The following GALNTL6 variants were observed in gnomAD, a reference collection of about 807,000 sequenced individuals.
GALNTL6 encodes polypeptide N-acetylgalactosaminyltransferase-like 6.
Under a neutral mutation model 73.7 loss-of-function variants are expected in GALNTL6, and 46 were observed. The observed-to-expected ratio is 0.62, with a 90% CI of 0.49 to 0.80. The LOEUF is 0.80. GALNTL6 is among the 30% of genes least tolerant of loss of function. GALNTL6 has a pLI of 0.00. For missense variants in GALNTL6, 604 were observed against 755.0 expected (o/e 0.80, Z 2.34); for synonymous variants, 259 against 263.7 (o/e 0.98, Z 0.17).
chr4:172,216,240 C>A (rs1736494271), intron 2 of GALNTL6, among the ~76,000 whole-genome samples: 2 of 151,826 alleles, frequency 1.3e-5, no homozygotes, highest in Admixed American at 6.6e-5. Flanking sequence ...GAGATAAATT[C>A]TCTTAGTTTT....
intron 2 of GALNTL6, among the ~76,000 whole-genome samples, chr4:171,994,701 G>A (rs961279915): frequency 1.3e-5 from 2 of 150,800 alleles, no homozygotes; most frequent in Non-Finnish European, 3.0e-5. Flanking sequence ...TTGTTGCTGT[G>A]TTATTGCTAT....
intron 5 of GALNTL6, among the ~76,000 whole-genome samples, chr4:172,805,028 GT>G (rs1189958277): frequency 2.6e-5 from 4 of 152,302 alleles, no homozygotes; most frequent in Middle Eastern, 3.4e-3. Context: ...AATCTACTCA[GT>G]AAGTAAAATA....
chr4:172,595,764 G>C (rs1354299505), intron 5 of GALNTL6, among the ~76,000 whole-genome samples: 3 of 151,982 alleles, frequency 2.0e-5, no homozygotes, highest in Admixed American at 6.6e-5. Context: ...TAGATAACAT[G>C]CTTCTGAAAA....
rs1733441560 is a variant in GALNTL6, at chr4:172,481,007, GTGGGTTCTTGGTCTCACTGA to G, written c.553+132319_553+132338del. On this transcript the variant is annotated intron_variant, in intron 5 of 12. Coordinates refer to ENST00000506823, the MANE Select transcript of GALNTL6 (RefSeq NM_001034845.3). ...GCAAGTCACAACGTGTCCAAAATTGGTGGGTTCTTGGTCTCACTGACTTCAAGAATGAAGCCGTGGACTAT... is the reference window on the plus strand; with the variant it reads ...GCAAGTCACAACGTGTCCAAAATTGGCTTCAAGAATGAAGCCGTGGACTAT... Among the ~76,000 whole-genome samples, 11 of 152,300 alleles carry G rather than the reference GTGGGTTCTTGGTCTCACTGA, an allele frequency of 7.2e-5. No individual in the cohort carries two copies. In the South Asian group the frequency reaches 2.3e-3, roughly 32 times the overall value.
intron 7 of GALNTL6, among the ~76,000 whole-genome samples, chr4:172,833,152 A>G (rs1651508030): frequency 6.6e-6 from 1 of 152,080 alleles, no homozygotes; most frequent in Non-Finnish European, 1.5e-5. Flanking sequence ...CCAATAATAA[A>G]TATCCATTGC....
chr4:172,816,882 G>A (rs1184295521), intron 7 of GALNTL6, among the ~76,000 whole-genome samples: 1 of 151,844 alleles, frequency 6.6e-6, no homozygotes, highest in Non-Finnish European at 1.5e-5. Flanking sequence ...TGAAGTGGGT[G>A]GATCATTTGA....
intron 7 of GALNTL6, among the ~76,000 whole-genome samples, chr4:172,843,589 G>T (rs1464016584): frequency 6.6e-6 from 1 of 152,140 alleles, no homozygotes; most frequent in Non-Finnish European, 1.5e-5. Context: ...ATGCTCTGGT[G>T]TTCTGAAAAT....
chr4:172,649,490 G>A (rs1176736332), intron 5 of GALNTL6, among the ~76,000 whole-genome samples: 1 of 152,094 alleles, frequency 6.6e-6, no homozygotes, highest in Non-Finnish European at 1.5e-5. Context: ...TTCTATTAAT[G>A]GCTTAATTAT....
intron 2 of GALNTL6, among the ~76,000 whole-genome samples, chr4:172,153,518 G>GT (rs1297674744): frequency 5.4e-4 from 82 of 152,298 alleles, no homozygotes; most frequent in African/African-American, 1.9e-3. Flanking sequence ...TGAAGTCAAT[G>GT]TTAACTCACT....
intron 3 of GALNTL6, among the ~76,000 whole-genome samples, chr4:172,270,270 A>G (rs1200707458): frequency 6.6e-6 from 1 of 151,762 alleles, no homozygotes; most frequent in African/African-American, 2.4e-5. Context: ...ATTTCTACCA[A>G]TTGTATGTTT....
chr4:172,094,720 T>C lies in GALNTL6; in HGVS notation c.139-134936T>C, dbSNP rs570042601. ...TTCATTTATTTCCCAAGGAGTTTTA[T>C]TGCCACATTTTAGCTTATGCTTTCA... On this transcript the variant is annotated intron_variant, in intron 2 of 12. Transcript: ENST00000506823. Among the ~76,000 whole-genome samples, 7 of 152,258 alleles carry C rather than the reference T, an allele frequency of 4.6e-5. No homozygotes were observed. In the East Asian group the frequency reaches 1.3e-3, roughly 29 times the overall value.
At chr4:171,829,764 T>C (rs1028021390) in intron 2 of GALNTL6, among the ~76,000 whole-genome samples, 1 of 152,116 alleles carries the variant, frequency 6.6e-6, no homozygotes, top group Non-Finnish European at 1.5e-5. Context: ...TATTGATCAG[T>C]AAGTTTCTTA....
At position 172,813,785 on chromosome 4, in the gene GALNTL6, A is replaced by G. The variant is rs566184540; in HGVS notation, c.923+62A>G. 32 of 1,297,342 alleles carry G rather than the reference A, an allele frequency of 2.5e-5. No individual in the cohort carries two copies. In the African/African-American group the frequency reaches 3.2e-4, roughly 13 times the overall value. 80.4% of individuals were successfully genotyped at this position (1,297,342 alleles called of 1,614,324 possible). ...GGCAGGTAACTCATTGCAGTGTTAA[A>G]CCTGGGCTCAAGAAGACAATTATCT... On this transcript the variant is annotated intron_variant, in intron 7 of 12. Transcript: ENST00000506823.
intron 5 of GALNTL6, among the ~76,000 whole-genome samples, chr4:172,757,765 C>T (rs1435016809): frequency 6.6e-6 from 1 of 152,156 alleles, no homozygotes; most frequent in East Asian, 1.9e-4. Flanking sequence ...TGAATGTGGT[C>T]TACCTTTTCA....
At chr4:172,033,845 G>C (rs949240831) in intron 2 of GALNTL6, among the ~76,000 whole-genome samples, 1 of 152,066 alleles carries the variant, frequency 6.6e-6, no homozygotes, top group Non-Finnish European at 1.5e-5. Context: ...CCAAAAGAAA[G>C]TTTTGCAAAG....
At chr4:172,391,900 C>T (rs561754668) in intron 5 of GALNTL6, among the ~76,000 whole-genome samples, 25 of 152,272 alleles carry the variant, frequency 1.6e-4, no homozygotes, top group African/African-American at 5.8e-4. Flanking sequence ...CCTTTTCCAG[C>T]TGATTTCCAA....
intron 8 of GALNTL6, among the ~76,000 whole-genome samples, chr4:172,901,214 C>G (rs1027785942): frequency 6.6e-6 from 1 of 152,102 alleles, no homozygotes; most frequent in African/African-American, 2.4e-5. Context: ...TTTGCTGACC[C>G]TGGGGGTTCC....
chr4:172,282,450 G>A (rs1306795140), intron 3 of GALNTL6, among the ~76,000 whole-genome samples: 3 of 152,118 alleles, frequency 2.0e-5, no homozygotes, highest in Non-Finnish European at 4.4e-5. Context: ...TTAGCAATAT[G>A]TTATAAATTG....
At chr4:172,109,442 T>C (rs1732790383) in intron 2 of GALNTL6, among the ~76,000 whole-genome samples, 1 of 152,146 alleles carries the variant, frequency 6.6e-6, no homozygotes, top group African/African-American at 2.4e-5. Flanking sequence ...TTTCAACAGA[T>C]GAAACAAGAT....
Sources: allele counts gnomAD v4.1 joint callset (sites outside exome capture counted in the v4.1 genomes callset), GRCh38; gene constraint gnomAD v4.1.1; transcripts MANE v1.5; gene names NCBI Gene and HGNC (gene_info 2026-07-23, HGNC 2026-07-21).